The following TTC34 variants were observed in gnomAD, a reference collection of about 807,000 sequenced individuals.
TTC34 encodes the protein tetratricopeptide repeat domain 34, also known as tetratricopeptide repeat protein 34.
In TTC34, 44 loss-of-function variants were observed where a neutral mutation model predicts 40.7. The ratio of observed to expected loss-of-function variants is 1.08; its 90% CI spans 0.85 to 1.39. The LOEUF (loss-of-function observed/expected upper bound fraction) is 1.39. Among genes scored for constraint, TTC34 ranks in the 40% most tolerant of loss-of-function variants. The probability of loss-of-function intolerance (pLI) is 0.00; values close to 1 mark genes in which losing one functional copy is unlikely to be tolerated. For missense variants in TTC34, 884 were observed against 838.0 expected (o/e 1.05, Z -0.68); for synonymous variants, 422 against 398.6 (o/e 1.06, Z -0.70).
chr1:2,644,922 A>G (rs940784607), intron 7 of TTC34, among the ~76,000 whole-genome samples: 9 of 151,542 alleles, frequency 5.9e-5, no homozygotes, highest in Non-Finnish European at 1.0e-4. Context: ...ATGTCGGCCC[A>G]TGGGGCTTCT....
At position 2,783,778 on chromosome 1, in the gene TTC34, GC is replaced by G. The variant is rs762023897; in HGVS notation, c.2060-4del. 24 of 1,492,476 alleles carry G rather than the reference GC, an allele frequency of 1.6e-5. No individual in the cohort carries two copies. The South Asian group carries it at 3.2e-4, about 20-fold the overall frequency. The allele number at this position is 1,492,476 out of a possible 1,614,324, so 92.5% of individuals were successfully genotyped here. A position where few individuals can be genotyped will look rare whatever the true frequency, so the allele number is the denominator to read the frequency against. On this transcript the variant is annotated splice_polypyrimidine_tract_variant and splice_region_variant and intron_variant, in intron 5 of 8. Transcript: ENST00000401095. Reference sequence around the variant, plus strand: ...GAGGGACTCACTTGCCTGGCTTCCTGCAGGAAGACGGCATGGGGTCAGGATG... The same window carrying G: ...GAGGGACTCACTTGCCTGGCTTCCTGAGGAAGACGGCATGGGGTCAGGATG...
At chr1:2,775,713 C>G (rs1338479945) in intron 6 of TTC34, 1 of 147,384 alleles carries the variant, frequency 6.8e-6, no homozygotes, top group Non-Finnish European at 1.5e-5. Context: ...ACCCACATCC[C>G]CAGGTAAGTG....
intron 6 of TTC34, among the ~76,000 whole-genome samples, chr1:2,748,424 G>A: frequency 6.6e-6 from 1 of 151,842 alleles, no homozygotes; most frequent in Non-Finnish European, 1.5e-5. Context: ...CTGAGAGGCT[G>A]GAACAGCACC....
chr1:2,693,883 G>C (rs1337284310), intron 6 of TTC34, among the ~76,000 whole-genome samples: 1 of 142,676 alleles, frequency 7.0e-6, no homozygotes, highest in Non-Finnish European at 1.5e-5. Flanking sequence ...GTGAGCATCT[G>C]ACAGACTGGA....
Position 2,800,034 on chromosome 1 carries a change from G to A in TTC34, c.784+10C>T, listed in dbSNP as rs1052453654. On this transcript the variant is annotated intron_variant, in intron 2 of 8. Transcript: ENST00000401095. ...ACCCTGGCTCTGCAGGGGCCATGCC[G>A]TCCTCCTACCTTGGGGTTCGCTGCC... The A allele has an allele frequency of 1.0e-5, 4 of 398,496 alleles. No homozygotes were observed. The highest frequency in any genetic ancestry group is 3.6e-5 in the East Asian group (1 of 28,038). The allele number at this position is 398,496 out of a possible 1,614,324, so 24.7% of individuals were successfully genotyped here.
At chr1:2,688,203 C>A (rs1441017610) in intron 6 of TTC34, among the ~76,000 whole-genome samples, 326 of 140,594 alleles carry the variant, frequency 2.3e-3, no homozygotes, top group Admixed American at 4.5e-3. Context: ...GAGCAGCACC[C>A]CACACCCCCA....
chr1:2,652,360 G>A (rs28581291), intron 6 of TTC34, among the ~76,000 whole-genome samples: 1,263 of 46,728 alleles, frequency 0.027, no homozygotes, highest in Non-Finnish European at 0.03. Context: ...GGAACAGCAC[G>A]CACACCCCCA....
chr1:2,644,943 C>T (rs890746805), intron 7 of TTC34, among the ~76,000 whole-genome samples: 1 of 152,166 alleles, frequency 6.6e-6, no homozygotes, highest in Admixed American at 6.5e-5. Flanking sequence ...GACAGTTCCT[C>T]CTGGAACAGG....
At chr1:2,800,484 C>T (rs534691221) in exon 2 of TTC34, 20 of 398,586 alleles carry the variant, frequency 5.0e-5, no homozygotes, top group African/African-American at 3.1e-4. Context: ...GTGACGCCCG[C>T]GGGCCAGCAG....
intron 6 of TTC34, among the ~76,000 whole-genome samples, chr1:2,655,078 G>A (rs1639294367): frequency 2.6e-5 from 4 of 152,160 alleles, no homozygotes; most frequent in Admixed American, 2.6e-4. Context: ...CTGACAGCCT[G>A]GAGCAGCAAC....
chr1:2,749,659 C>T (rs1416804620), intron 6 of TTC34, among the ~76,000 whole-genome samples: 28 of 84,638 alleles, frequency 3.3e-4, no homozygotes, highest in East Asian at 2.4e-3. Flanking sequence ...GGTGAGCATC[C>T]GACAGCCTGG....
intron 6 of TTC34, among the ~76,000 whole-genome samples, chr1:2,760,410 G>T (rs1641657606): frequency 1.9e-5 from 1 of 52,526 alleles, no homozygotes; most frequent in Non-Finnish European, 3.0e-5. Context: ...CGCACCCACA[G>T]GCGAGCATCT....
chr1:2,694,277 T>G (rs1385711510), intron 6 of TTC34, among the ~76,000 whole-genome samples: 2 of 76,978 alleles, frequency 2.6e-5, no homozygotes. Context: ...CACCCCCAGG[T>G]GAGCATCGGA....
At chr1:2,677,488 ACCCCCAGGCGAGCATCCG>A (rs1639949203) in intron 6 of TTC34, among the ~76,000 whole-genome samples, 2 of 89,600 alleles carry the variant, frequency 2.2e-5, no homozygotes, top group Non-Finnish European at 4.8e-5. Context: ...CAGCACCCAC[ACCCCCAGGCGAGCATCCG>A]ACAGCCTGGA....
At chr1:2,756,965 C>G (rs1641527057) in intron 6 of TTC34, among the ~76,000 whole-genome samples, 2 of 150,298 alleles carry the variant, frequency 1.3e-5, no homozygotes, top group African/African-American at 4.9e-5. Context: ...GAGCATCTGA[C>G]AGACTGGAAC....
At chr1:2,750,627 C>A (rs1641286528) in intron 6 of TTC34, among the ~76,000 whole-genome samples, 1 of 143,712 alleles carries the variant, frequency 7.0e-6, no homozygotes. Flanking sequence ...CATCTGACAG[C>A]CTGGAGCAGC....
At chr1:2,778,872 C>T (rs974017028) in intron 6 of TTC34, among the ~76,000 whole-genome samples, 1 of 152,204 alleles carries the variant, frequency 6.6e-6, no homozygotes, top group Non-Finnish European at 1.5e-5. Flanking sequence ...AGCTCATCTT[C>T]CCAAACTGAA....
At position 2,798,398 on chromosome 1, in the gene TTC34, C is replaced by A. The variant is rs58991131; in HGVS notation, c.784+1646G>T. 2.1e-3 allele frequency among the ~76,000 whole-genome samples: 208 copies of A among 101,170 alleles called. 6 individuals are homozygous for A. Among genetic ancestry groups the A allele is most frequent in the African/African-American group, 8.9e-3 (195 of 21,924 alleles). 66.4% of individuals were successfully genotyped at this position (101,170 alleles called of 152,430 possible). A position where few individuals can be genotyped will look rare whatever the true frequency, so the allele number is the denominator to read the frequency against. The stretch of plus-strand genomic sequence containing the variant: ...GCCTCCCAGCCTCTCAGCCCCTCAG[C>A]TCCCCAGCCTCCTAGCCTCCCAGCC... On this transcript the variant is annotated intron_variant, in intron 2 of 8. Coordinates refer to ENST00000401095, the Ensembl canonical transcript of TTC34.
intron 6 of TTC34, among the ~76,000 whole-genome samples, chr1:2,764,258 A>C (rs1641726504): frequency 6.6e-6 from 1 of 150,452 alleles, no homozygotes; most frequent in Admixed American, 6.6e-5. Flanking sequence ...AGCAGCACGC[A>C]CACCCCCAGG....
Sources: gnomAD v4.1 joint callset for allele counts (sites outside exome capture counted in the v4.1 genomes callset) on GRCh38, gnomAD v4.1.1 for gene constraint, MANE v1.5 for transcripts, NCBI Gene and HGNC (gene_info 2026-07-23, HGNC 2026-07-21) for gene names.